Variants in AK8 observed in about 807,000 individuals in gnomAD.
The protein encoded by AK8 is ATP-AMP transphosphorylase 8.
AK8 carries 44 observed loss-of-function variants against 54.6 expected under a neutral mutation model. That is an observed-to-expected ratio of 0.81 (90% CI 0.63 to 1.04). The LOEUF is 1.04. Ranked by LOEUF, AK8 falls within the 50% of genes least tolerant of loss-of-function variation. The pLI is 0.00. For missense variants in AK8, 555 were observed against 613.6 expected, an observed-to-expected ratio of 0.90 and a Z score of 1.01; for synonymous variants, 239 against 245.6, an observed-to-expected ratio of 0.97 and a Z score of 0.25.
intron 5 of AK8, among the ~76,000 whole-genome samples, chr9:132,854,616 C>A (rs992176312): frequency 1.2e-4 from 18 of 152,388 alleles, no homozygotes; most frequent in African/African-American, 4.3e-4. Context: ...TTTCCTGTGA[C>A]CCCTCTGGAT....
chr9:132,808,737 C>T (rs1195382372), intron 10 of AK8, among the ~76,000 whole-genome samples: 1 of 152,090 alleles, frequency 6.6e-6, no homozygotes, highest in Non-Finnish European at 1.5e-5. Context: ...ATAACAAAAG[C>T]GCACATCTCT....
intron 5 of AK8, among the ~76,000 whole-genome samples, chr9:132,849,754 C>T (rs779904997): frequency 6.6e-6 from 1 of 152,172 alleles, no homozygotes; most frequent in African/African-American, 2.4e-5. Flanking sequence ...GCTTCCCAAT[C>T]AATATATTTT....
In AK8 at chr9:132,859,765, A is replaced by C. The variant is rs564092740; in HGVS notation, c.333+3900T>G. ...CCAGAGAAAGCAGATGAAGGAAAAA[A>C]GACTCGGCTGAAAAGATGAATTCAA... On this transcript the variant is annotated intron_variant, in intron 4 of 12. Coordinates refer to ENST00000298545, the MANE Select transcript of AK8 (RefSeq NM_152572.3). Among the ~76,000 whole-genome samples the C allele has an allele frequency of 2.0e-5, 3 of 152,234 alleles. No individual in the cohort carries two copies. The East Asian group carries it at 5.8e-4, about 29-fold the overall frequency.
chr9:132,747,145 C>T (rs1284526916), intron 11 of AK8, among the ~76,000 whole-genome samples: 1 of 152,182 alleles, frequency 6.6e-6, no homozygotes, highest in African/African-American at 2.4e-5. Context: ...TTTCTCATTG[C>T]TGAATTACTT....
chr9:132,874,974 G>C lies in AK8; in HGVS notation c.169+141C>G, dbSNP rs1341390984. On this transcript the variant is annotated intron_variant, in intron 2 of 12. Coordinates refer to ENST00000298545, the MANE Select transcript of AK8 (RefSeq NM_152572.3). ...CCTCCCTTCAGACACAGGTAGGACA[G>C]AATGGTGCTCAGCTATTCTCGGGAT... 8 of 1,092,140 alleles carry C rather than the reference G, an allele frequency of 7.3e-6. No homozygotes were observed. In the East Asian group the frequency reaches 1.8e-4, roughly 25 times the overall value. The allele number at this position is 1,092,140 out of a possible 1,614,324, so 67.7% of individuals were successfully genotyped here. A position where few individuals can be genotyped will look rare whatever the true frequency, so the allele number is the denominator to read the frequency against.
At chr9:132,759,885 G>C (rs1241270941) in intron 11 of AK8, among the ~76,000 whole-genome samples, 2 of 152,144 alleles carry the variant, frequency 1.3e-5, no homozygotes, top group Non-Finnish European at 2.9e-5. Flanking sequence ...GGAATAACTT[G>C]ATAAATTTTT....
At chr9:132,807,188 TG>T (rs1056813626) in intron 10 of AK8, among the ~76,000 whole-genome samples, 28 of 126,256 alleles carry the variant, frequency 2.2e-4, no homozygotes, top group East Asian at 1.1e-3. Flanking sequence ...TGGGAGATGC[TG>T]GGGGGGGCGG....
chr9:132,810,176 G>T (rs78310364), intron 10 of AK8, among the ~76,000 whole-genome samples: 1 of 152,242 alleles, frequency 6.6e-6, no homozygotes, highest in Non-Finnish European at 1.5e-5. Flanking sequence ...TTCCGTTAGG[G>T]AGATATGATA....
chr9:132,804,340 G>T (rs959487995), intron 10 of AK8, among the ~76,000 whole-genome samples: 1 of 152,130 alleles, frequency 6.6e-6, no homozygotes, highest in Non-Finnish European at 1.5e-5. Flanking sequence ...GCAGCCGGCC[G>T]AGCAGACAGC....
chr9:132,812,530 T>TGAGCCGCCGC (rs1841081288), intron 10 of AK8, among the ~76,000 whole-genome samples: 2 of 130,642 alleles, frequency 1.5e-5, no homozygotes, highest in East Asian at 4.3e-4. Flanking sequence ...TGAGCTACCG[T>TGAGCCGCCGC]GCCCACTGGG....
chr9:132,799,185 G>A lies in AK8; in HGVS notation c.980-6410C>T, dbSNP rs1327141235. Among the ~76,000 whole-genome samples, 2 of 152,132 alleles carry A rather than the reference G, an allele frequency of 1.3e-5. No homozygotes were observed. Among genetic ancestry groups the A allele is most frequent in the African/African-American group, 2.4e-5 (1 of 41,412 alleles). Reference sequence around the variant, plus strand: ...TGCGCCACGCCGCCGCCTGCTGTCCGCACCGCAGAGCCAGCCCTGCAGGGA... The same window carrying A: ...TGCGCCACGCCGCCGCCTGCTGTCCACACCGCAGAGCCAGCCCTGCAGGGA... On this transcript the variant is annotated intron_variant, in intron 10 of 12. Transcript: ENST00000298545. The surrounding 1 kb of genome is among the most constrained non-coding windows in gnomAD (Gnocchi z 5.0).
intron 11 of AK8, among the ~76,000 whole-genome samples, chr9:132,752,251 C>CA (rs1554785249): frequency 1.5e-5 from 2 of 134,000 alleles, no homozygotes; most frequent in African/African-American, 5.5e-5. Context: ...CATTTTCTAA[C>CA]TTTTTTTTTT....
intron 10 of AK8, among the ~76,000 whole-genome samples, chr9:132,813,546 T>C (rs1841178022): frequency 6.6e-6 from 1 of 152,108 alleles, no homozygotes; most frequent in Non-Finnish European, 1.5e-5. Flanking sequence ...ACTTGATAAG[T>C]GGGTGTGCAC....
chr9:132,786,722 C>G (rs147323436), intron 11 of AK8, among the ~76,000 whole-genome samples: 1 of 152,018 alleles, frequency 6.6e-6, no homozygotes, highest in East Asian at 1.9e-4. Flanking sequence ...CATTCTTAGA[C>G]GTGAGCAAAC....
chr9:132,808,099 A>T (rs920425970), intron 10 of AK8, among the ~76,000 whole-genome samples: 7 of 152,148 alleles, frequency 4.6e-5, no homozygotes, highest in African/African-American at 1.7e-4. Flanking sequence ...AACAGCTGAG[A>T]ACTTATTTTT....
At chr9:132,726,836 C>G (rs150816230) in intron 12 of AK8, among the ~76,000 whole-genome samples, 210 of 152,128 alleles carry the variant, frequency 1.4e-3, no homozygotes, top group African/African-American at 4.4e-3. Flanking sequence ...CATGACAAAT[C>G]AGGTCTACAT....
intron 5 of AK8, among the ~76,000 whole-genome samples, chr9:132,848,019 G>T (rs1426136196): frequency 6.6e-6 from 1 of 151,396 alleles, no homozygotes; most frequent in Non-Finnish European, 1.5e-5. Context: ...AGGAAGCGGA[G>T]GTGGGAGGAT....
intron 11 of AK8, among the ~76,000 whole-genome samples, chr9:132,752,374 C>A (rs1043567102): frequency 6.6e-6 from 1 of 151,492 alleles, no homozygotes; most frequent in Non-Finnish European, 1.5e-5. Flanking sequence ...CTCTGCCTCC[C>A]GAGCAGCTGG....
chr9:132,794,224 G>A (rs1330619358), intron 10 of AK8, among the ~76,000 whole-genome samples: 1 of 152,226 alleles, frequency 6.6e-6, no homozygotes, highest in African/African-American at 2.4e-5. Flanking sequence ...TATCTAGCAT[G>A]AATGAGAAGT....
Sources: allele counts gnomAD v4.1 joint callset (sites outside exome capture counted in the v4.1 genomes callset), GRCh38; gene constraint gnomAD v4.1.1; non-coding constraint Gnocchi (gnomAD v3.1); transcripts MANE v1.5; gene names NCBI Gene and HGNC (gene_info 2026-07-23, HGNC 2026-07-21).